Variants in TMPRSS15 observed in about 807,000 individuals in gnomAD.
TMPRSS15 encodes transmembrane serine protease 15.
Under a neutral mutation model 125.3 loss-of-function variants are expected in TMPRSS15, and 128 were observed. That is an observed-to-expected ratio of 1.02 (90% CI 0.89 to 1.18). The LOEUF (loss-of-function observed/expected upper bound fraction) is 1.18. Among genes scored for constraint, TMPRSS15 ranks in the 50% most tolerant of loss-of-function variants. TMPRSS15 has a pLI of 0.00. For missense variants in TMPRSS15, 1,283 were observed against 1,212.7 expected (o/e 1.06, Z -0.86); for synonymous variants, 446 against 423.2 (o/e 1.05, Z -0.66).
chr21:18,415,849 G>A (rs1197665939), intron 1 of TMPRSS15, among the ~76,000 whole-genome samples: 6 of 152,056 alleles, frequency 3.9e-5, no homozygotes, highest in Non-Finnish European at 7.4e-5. Context: ...TAAAGGAACA[G>A]AATAAAATGT....
rs111641778 is a variant in TMPRSS15, at chr21:18,411,876, GAACTC to G, written c.11-13552_11-13548del. On this transcript the variant is annotated intron_variant, in intron 1 of 7. Transcript: ENST00000422787. ...TAGCACTTAACTCTTCTGAAGGGAAGAACTCTATTCATGGCAGTATTCAAAAATAG... is the reference window on the plus strand; with the variant it reads ...TAGCACTTAACTCTTCTGAAGGGAAGTATTCATGGCAGTATTCAAAAATAG... 5.5e-3 allele frequency among the ~76,000 whole-genome samples: 844 copies of G among 152,258 alleles called. 7 individuals are homozygous for G. Among genetic ancestry groups the G allele is most frequent in the African/African-American group, 0.019 (807 of 41,570 alleles).
At chr21:18,449,975 A>C (rs1287565713) in intron 1 of TMPRSS15, among the ~76,000 whole-genome samples, 1 of 152,102 alleles carries the variant, frequency 6.6e-6, no homozygotes, top group East Asian at 1.9e-4. Context: ...TATATGTAGC[A>C]CTTATGAGAT....
rs143720423 is a variant in TMPRSS15, at chr21:18,357,001, T to C, written c.880+2756A>G. ...AGCACTTGAGATATAAAGAATGGCA[T>C]AACAACTATGCACTCAGAGACACAA... On this transcript the variant is annotated intron_variant, in intron 8 of 24. Transcript: ENST00000284885. 5.9e-3 allele frequency among the ~76,000 whole-genome samples: 892 copies of C among 151,874 alleles called. 13 individuals carry two copies. The highest frequency in any genetic ancestry group is 0.02 in the African/African-American group (836 of 41,504).
chr21:18,427,728 G>GA (rs2076206361), intron 1 of TMPRSS15, among the ~76,000 whole-genome samples: 1 of 152,054 alleles, frequency 6.6e-6, no homozygotes, highest in Non-Finnish European at 1.5e-5. Flanking sequence ...ACCTTTTAGA[G>GA]AAAAAAACAC....
intron 13 of TMPRSS15, among the ~76,000 whole-genome samples, chr21:18,339,643 G>C (rs908481642): frequency 6.6e-6 from 1 of 152,074 alleles, no homozygotes; most frequent in Admixed American, 6.6e-5. Flanking sequence ...CAAAGCCGTA[G>C]AGCTAAGTCA....
intron 13 of TMPRSS15, among the ~76,000 whole-genome samples, chr21:18,339,699 C>T (rs1343603037): frequency 6.6e-6 from 1 of 150,632 alleles, no homozygotes; most frequent in Non-Finnish European, 1.5e-5. Flanking sequence ...GTTTTTTTTG[C>T]ATAAAAACAA....
chr21:18,340,374 C>T (rs1444034638), intron 13 of TMPRSS15, among the ~76,000 whole-genome samples: 1 of 152,164 alleles, frequency 6.6e-6, no homozygotes, highest in Non-Finnish European at 1.5e-5. Flanking sequence ...TTGCCAGAGG[C>T]TCTCAGGCCT....
chr21:18,472,480 T>TATATATATATATATATATATAC lies in TMPRSS15; in HGVS notation c.10+13318_10+13319insGTATATATATATATATATATAT, dbSNP rs1491127013. Among the ~76,000 whole-genome samples, 31 of 112,314 alleles carry TATATATATATATATATATATAC rather than the reference T, an allele frequency of 2.8e-4. 1 individual carries two copies. The highest frequency in any genetic ancestry group is 8.3e-4 in the African/African-American group (27 of 32,460). 73.7% of individuals were successfully genotyped at this position (112,314 alleles called of 152,430 possible). On this transcript the variant is annotated intron_variant, in intron 1 of 7. Transcript: ENST00000422787. ...TTATATATATATATATATATATATA[T>TATATATATATATATATATATAC]ACACACACACACACATACACACACA...
intron 1 of TMPRSS15, among the ~76,000 whole-genome samples, chr21:18,484,935 T>A (rs187396644): frequency 2.6e-5 from 4 of 151,996 alleles, no homozygotes; most frequent in Non-Finnish European, 4.4e-5. Context: ...ATAATCAAAT[T>A]TTCATTTTCC....
chr21:18,385,251 C>T (rs1188973249), intron 3 of TMPRSS15, among the ~76,000 whole-genome samples: 1 of 152,206 alleles, frequency 6.6e-6, no homozygotes, highest in Non-Finnish European at 1.5e-5. Flanking sequence ...CTTACCCATA[C>T]ATGAAATCAC....
chr21:18,275,918 C>G (rs1462034766), intron 23 of TMPRSS15, among the ~76,000 whole-genome samples: 1 of 152,158 alleles, frequency 6.6e-6, no homozygotes. Flanking sequence ...TACTTACCTG[C>G]TTTTTACAAA....
At position 18,278,924 on chromosome 21, in the gene TMPRSS15, G is replaced by GTTTTT. The variant is rs59972471; in HGVS notation, c.2764+35_2764+39dup. 1,480 of 439,744 alleles carry GTTTTT rather than the reference G, an allele frequency of 3.4e-3. 15 individuals are homozygous for GTTTTT. The highest frequency in any genetic ancestry group is 5.9e-3 in the South Asian group (282 of 47,592). 27.2% of individuals were successfully genotyped at this position (439,744 alleles called of 1,614,324 possible). ...TGACAGTCTGTTTTTCACCAGTAAG[G>GTTTTT]TTTTTTTTTTTTTTTTTTTTTTTGA... On this transcript the variant is annotated intron_variant, in intron 23 of 24. Transcript: ENST00000284885.
rs1477779230 is a variant in TMPRSS15 at position 18,269,990 on chromosome 21, C to G, written c.3039G>C (p.Trp1013Cys). ...TGCGCTAATGTAGAAAACTTTGTAT[C>G]CATTCGGTAAACCTTGAGACCCTGG... ...VYARVSRFTE[W>C]IQSFLH Residue 1013 changes from tryptophan (W) to cysteine (C), a missense_variant, in exon 25 of 25, where the codon TGG (tryptophan) becomes TGC (cysteine). Coordinates refer to ENST00000284885, the MANE Select transcript of TMPRSS15 (RefSeq NM_002772.3). 1 of 1,613,702 alleles carries G rather than the reference C, an allele frequency of 6.2e-7. No individual in the cohort carries two copies. Among genetic ancestry groups the G allele is most frequent in the African/African-American group, 1.3e-5 (1 of 74,870 alleles).
At chr21:18,306,881 T>C (rs1423227686) in intron 18 of TMPRSS15, among the ~76,000 whole-genome samples, 2 of 152,074 alleles carry the variant, frequency 1.3e-5, no homozygotes, top group Non-Finnish European at 2.9e-5. Flanking sequence ...TTTTTATTTA[T>C]GCATGTAATG....
chr21:18,461,630 G>A (rs2122952683), intron 1 of TMPRSS15, among the ~76,000 whole-genome samples: 2 of 152,000 alleles, frequency 1.3e-5, no homozygotes, highest in African/African-American at 4.8e-5. Context: ...TATGTTATAA[G>A]CAAAATTTTA....
At position 18,382,629 on chromosome 21, in the gene TMPRSS15, T is replaced by C. The variant is rs187222515; in HGVS notation, c.496+998A>G. Among the ~76,000 whole-genome samples, 305 of 152,338 alleles carry C rather than the reference T, an allele frequency of 2.0e-3. 1 individual carries two copies. The highest frequency in any genetic ancestry group is 3.5e-3 in the Non-Finnish European group (241 of 68,016). On this transcript the variant is annotated intron_variant, in intron 4 of 24. Coordinates refer to ENST00000284885, the MANE Select transcript of TMPRSS15 (RefSeq NM_002772.3). ...GCAAAAATTAGTTGAACTAATTAAATAGTTAGGCTATTTAGAGTTTCTCTT... is the reference window on the plus strand; with the variant it reads ...GCAAAAATTAGTTGAACTAATTAAACAGTTAGGCTATTTAGAGTTTCTCTT...
intron 18 of TMPRSS15, among the ~76,000 whole-genome samples, chr21:18,305,246 T>C (rs1276393599): frequency 1.5e-5 from 2 of 137,152 alleles, no homozygotes; most frequent in Non-Finnish European, 3.0e-5. Context: ...TGGAGTGCAG[T>C]GGCGCGATCT....
intron 24 of TMPRSS15, among the ~76,000 whole-genome samples, chr21:18,271,149 T>G (rs1053987917): frequency 6.6e-6 from 1 of 152,148 alleles, no homozygotes; most frequent in African/African-American, 2.4e-5. Flanking sequence ...AACATTCTAG[T>G]GTAACAAATG....
chr21:18,469,649 T>C (rs923810975), intron 1 of TMPRSS15, among the ~76,000 whole-genome samples: 4 of 151,992 alleles, frequency 2.6e-5, no homozygotes, highest in African/African-American at 9.7e-5. Flanking sequence ...GAGCCACATA[T>C]CATGATAGAT....
Sources: allele counts gnomAD v4.1 joint callset (sites outside exome capture counted in the v4.1 genomes callset), GRCh38; gene constraint gnomAD v4.1.1; transcripts MANE v1.5; gene names NCBI Gene and HGNC (gene_info 2026-07-23, HGNC 2026-07-21).